The following DDX42 variants were observed in gnomAD, a reference collection of about 807,000 sequenced individuals.
DDX42 encodes the protein ATP-dependent RNA helicase DDX42.
In DDX42, 22 loss-of-function variants were observed where a neutral mutation model predicts 101.5. That is an observed-to-expected ratio of 0.22 (90% CI 0.15 to 0.31). The LOEUF (loss-of-function observed/expected upper bound fraction) is 0.31, where lower values mean the gene tolerates loss of function less well. DDX42 is among the 10% of genes least tolerant of loss of function. The pLI is 1.00. For synonymous variants in DDX42, 402 were observed against 401.2 expected (o/e 1.00, Z -0.02); for missense variants, 849 against 1,199.9 (o/e 0.71, Z 4.32).
chr17:63,818,435 AT>A lies in DDX42; in HGVS notation c.*42del. 1 of 1,573,808 alleles carries A rather than the reference AT, an allele frequency of 6.4e-7. No homozygotes were observed. The highest frequency in any genetic ancestry group is 8.6e-7 in the Non-Finnish European group (1 of 1,160,824). ...TAAAGCGTGAAATCAGTTGTCCTTA[AT>A]TTTTAGAAAGATTTTGGTAACTAGG... is the stretch of plus-strand genomic sequence containing the variant. On this transcript the variant is annotated 3_prime_UTR_variant, in exon 18 of 18. Transcript: ENST00000389924.
chr17:63,789,546 C>CGTTTTTTTTTTTTTTT (rs138224520), intron 2 of DDX42, among the ~76,000 whole-genome samples: 3 of 121,842 alleles, frequency 2.5e-5, no homozygotes, highest in African/African-American at 3.4e-5. Context: ...TTCTAAAAGA[C>CGTTTTTTTTTTTTTTT]TTTTTTGTTT....
At chr17:63,803,567 C>CA (rs1165590235) in intron 6 of DDX42, among the ~76,000 whole-genome samples, 915 of 43,868 alleles carry the variant, frequency 0.021, 18 homozygotes, top group Middle Eastern at 0.041. Context: ...GACTCCATCT[C>CA]AAAAAAAAAA....
At chr17:63,803,968 A>C (rs2039806597) in intron 6 of DDX42, among the ~76,000 whole-genome samples, 1 of 152,156 alleles carries the variant, frequency 6.6e-6, no homozygotes, top group African/African-American at 2.4e-5. Context: ...AGAATTTCTT[A>C]TAGGCTTAAA....
chr17:63,778,464 T>C (rs1017071247), intron 1 of DDX42, among the ~76,000 whole-genome samples: 8 of 152,214 alleles, frequency 5.3e-5, no homozygotes, highest in African/African-American at 1.9e-4. Flanking sequence ...TTTTGCTACC[T>C]GGAATTACAT....
At position 63,818,281 on chromosome 17, in the gene DDX42, G is replaced by A. The variant is rs370874386; in HGVS notation, c.2700G>A (p.Met900Ile). The change falls in exon 18 of 18, where the codon ATG (methionine) becomes ATA (isoleucine). Residue 900 changes from methionine (M) to isoleucine (I), a missense_variant. Physicochemically the swap from Met to Ile is conservative, Grantham distance 10. This residue lies in a region of DDX42 where 300 missense variants were observed against 304.9 expected (regional missense o/e 0.98). Coordinates refer to ENST00000389924, the MANE Select transcript of DDX42 (RefSeq NM_203499.3). ...GTGAGAGCAAGATGGAGCCCAAGAT[G>A]GAACCCAAAGTGGACAGCAGCAAGA... The part of the protein sequence containing the change: ...FNRESKMEPK[M>I]EPKVDSSKMD... The A allele has an allele frequency of 1.2e-6, 2 of 1,614,138 alleles. No individual in the cohort carries two copies. The highest frequency in any genetic ancestry group is 1.7e-6 in the Non-Finnish European group (2 of 1,180,038).
Position 63,817,678 on chromosome 17 carries a change from T to C in DDX42, c.2113-16T>C, listed in dbSNP as rs1832162164. 1.2e-6 allele frequency: 2 copies of C among 1,608,668 alleles called. No individual in the cohort carries two copies. Among genetic ancestry groups the C allele is most frequent in the African/African-American group, 1.3e-5 (1 of 74,908 alleles). ...CTTGCTATCTTACCTACTCCTGATG[T>C]CTCTTTCTCTTTCAGTCACAGTACA... is the stretch of plus-strand genomic sequence containing the variant. On this transcript the variant is annotated splice_polypyrimidine_tract_variant and intron_variant, in intron 17 of 17. Coordinates refer to ENST00000389924, the MANE Select transcript of DDX42 (RefSeq NM_203499.3).
Position 63,792,387 on chromosome 17 carries a change from T to C in DDX42, c.222-25T>C, listed in dbSNP as rs747895641. ...CTGACCCCAAAGTAAGCATTCACTTTACCAGTTTGCTTTCTAATTCTCAGC... is the reference window on the plus strand; with the variant it reads ...CTGACCCCAAAGTAAGCATTCACTTCACCAGTTTGCTTTCTAATTCTCAGC... On this transcript the variant is annotated intron_variant, in intron 2 of 17. Transcript: ENST00000389924. The C allele has an allele frequency of 2.5e-6, 4 of 1,607,246 alleles. No individual in the cohort carries two copies. In the Admixed American group the frequency reaches 5.1e-5, roughly 20 times the overall value.
Position 63,790,173 on chromosome 17 carries a change from C to T in DDX42, c.222-2239C>T, listed in dbSNP as rs112570130. Among the ~76,000 whole-genome samples, 1,060 of 152,098 alleles carry T rather than the reference C, an allele frequency of 7.0e-3. 10 individuals are homozygous for T. The highest frequency in any genetic ancestry group is 0.023 in the African/African-American group (961 of 41,472). On this transcript the variant is annotated intron_variant, in intron 2 of 17. Coordinates refer to ENST00000389924, the MANE Select transcript of DDX42 (RefSeq NM_203499.3). ...AAAAAAACAAACAAAAAACTAAAAACCTACTATATGAATGAATATGCATGA... is the reference window on the plus strand; with the variant it reads ...AAAAAAACAAACAAAAAACTAAAAATCTACTATATGAATGAATATGCATGA...
At chr17:63,811,651 A>G (rs555842191) in intron 13 of DDX42, 2 of 534,294 alleles carry the variant, frequency 3.7e-6, no homozygotes, top group South Asian at 2.3e-5. Context: ...GAATTCAGTT[A>G]TGGCTGCTTA....
rs557276115 is a variant in DDX42, at chr17:63,776,745, C to T, written c.-17+2369C>T. On this transcript the variant is annotated intron_variant, in intron 1 of 17. Transcript: ENST00000389924. ...CCTCCCAGAGTGCTGGGATTACAGG[C>T]GTGAGCCACCACACACAGCCTCTTA... is the stretch of plus-strand genomic sequence containing the variant. Among the ~76,000 whole-genome samples, 307 of 150,946 alleles carry T rather than the reference C, an allele frequency of 2.0e-3. 4 individuals carry two copies. Among genetic ancestry groups the T allele is most frequent in the Non-Finnish European group, 8.8e-4 (60 of 67,816 alleles).
rs930345449 is a variant in DDX42, at chr17:63,781,774, G to A, written c.-16-5260G>A. 5.3e-5 allele frequency among the ~76,000 whole-genome samples: 8 copies of A among 152,084 alleles called. No homozygotes were observed. The East Asian group carries it at 1.6e-3, about 30-fold the overall frequency. ...GCCTGTAATCCTAGCACTTTGGGAG[G>A]CCGAGGCAGGTGGATCACGAGGCCA... is the stretch of plus-strand genomic sequence containing the variant. On this transcript the variant is annotated intron_variant, in intron 1 of 17. Coordinates refer to ENST00000389924, the MANE Select transcript of DDX42 (RefSeq NM_203499.3).
intron 1 of DDX42, among the ~76,000 whole-genome samples, chr17:63,774,950 G>A (rs1254307321): frequency 6.6e-6 from 1 of 152,192 alleles, no homozygotes; most frequent in East Asian, 1.9e-4. Flanking sequence ...AAAAACAGGA[G>A]AAGCTGTCGA....
In DDX42 at chr17:63,817,796, T is replaced by C. The variant is rs1567748411; in HGVS notation, c.2215T>C (p.Ser739Pro). 6.2e-7 allele frequency: 1 copy of C among 1,614,174 alleles called. No individual in the cohort carries two copies. Among genetic ancestry groups the C allele is most frequent in the Non-Finnish European group, 8.5e-7 (1 of 1,180,044 alleles). The change falls in exon 18 of 18, where the codon TCT becomes CCT. Residue 739 changes from serine (S) to proline (P), a missense_variant. By Grantham distance (74) the Ser-to-Pro change is moderately conservative. This residue lies in a region of DDX42 where 300 missense variants were observed against 304.9 expected (regional missense o/e 0.98). Coordinates refer to ENST00000389924, the MANE Select transcript of DDX42 (RefSeq NM_203499.3). ...SGWTSAGSLN[S>P]VPTNSAQQGH... Reference sequence around the variant, plus strand: ...GTGGACTAGTGCAGGGAGCTTGAATTCTGTTCCAACTAACTCAGCACAACA... The same window carrying C: ...GTGGACTAGTGCAGGGAGCTTGAATCCTGTTCCAACTAACTCAGCACAACA...
intron 11 of DDX42, 25 bp downstream of exon 11, chr17:63,809,684 C>T: frequency 1.3e-6 from 2 of 1,574,366 alleles, no homozygotes; most frequent in South Asian, 1.1e-5. Context: ...CCAGTTTCTT[C>T]TGTCCCCATC....
intron 2 of DDX42, among the ~76,000 whole-genome samples, chr17:63,789,571 G>GTTTTTTTTTTTTTT (rs538515067): frequency 6.6e-5 from 3 of 45,680 alleles, no homozygotes; most frequent in Non-Finnish European, 8.4e-5. Flanking sequence ...TTTTGTTTTT[G>GTTTTTTTTTTTTTT]TTTTTTTTTT....
intron 3 of DDX42, among the ~76,000 whole-genome samples, chr17:63,793,879 T>TATATATAA (rs780884817): frequency 0.013 from 1,345 of 102,980 alleles, 21 homozygotes; most frequent in African/African-American, 0.051. Context: ...TATATATATA[T>TATATATAA]AATTTTTTAA....
At chr17:63,789,649 C>T (rs2039601538) in intron 2 of DDX42, among the ~76,000 whole-genome samples, 1 of 146,950 alleles carries the variant, frequency 6.8e-6, no homozygotes, top group African/African-American at 2.5e-5. Flanking sequence ...TCTAGGCTCA[C>T]AGCAACCTCT....
chr17:63,817,042 G>A, intron 17 of DDX42, 76 bp downstream of exon 17: 1 of 1,283,682 alleles, frequency 7.8e-7, no homozygotes, highest in Non-Finnish European at 1.1e-6. Flanking sequence ...TAGTTTTCCT[G>A]GTTGTAGCTG....
At chr17:63,808,524 G>A (rs1026975924) in intron 9 of DDX42, among the ~76,000 whole-genome samples, 2 of 152,052 alleles carry the variant, frequency 1.3e-5, no homozygotes, top group African/African-American at 4.8e-5. Context: ...GGGATTGTTT[G>A]TATTATAAGC....
Sources: allele counts gnomAD v4.1 joint callset (sites outside exome capture counted in the v4.1 genomes callset), GRCh38; gene constraint gnomAD v4.1.1; regional missense constraint gnomAD v4.1.1; transcripts MANE v1.5; gene names NCBI Gene and HGNC (gene_info 2026-07-23, HGNC 2026-07-21).